Variants in BCAS3 observed in about 807,000 individuals in gnomAD.
The protein encoded by BCAS3 is BCAS4/BCAS3 fusion.
Under a neutral mutation model 116.1 loss-of-function variants are expected in BCAS3, and 53 were observed. That is an observed-to-expected ratio of 0.46 (90% CI 0.37 to 0.57). The LOEUF (loss-of-function observed/expected upper bound fraction) is 0.57. Ranked by LOEUF, BCAS3 falls within the 20% of genes least tolerant of loss-of-function variation. The pLI, the probability that BCAS3 is intolerant of heterozygous loss-of-function variation, is 0.00. For synonymous variants in BCAS3, 391 were observed against 408.2 expected (o/e 0.96, Z 0.51); for missense variants, 917 against 1,165.4 (o/e 0.79, Z 3.10).
rs2053513912 is a variant in BCAS3, at chr17:61,302,249, A to G, written c.2426-66078A>G. Among the ~76,000 whole-genome samples the G allele has an allele frequency of 6.6e-6, 1 of 152,096 alleles. No individual in the cohort carries two copies. The highest frequency in any genetic ancestry group is 1.5e-5 in the Non-Finnish European group (1 of 68,038). ...TTTCCTCATCTTGTCTCTTAATGTC[A>G]CATCAGAATGTACCACGGAATCTGA... On this transcript the variant is annotated intron_variant, in intron 22 of 23. Coordinates refer to ENST00000407086, the MANE Select transcript of BCAS3 (RefSeq NM_017679.5). The surrounding 1 kb of genome is among the most constrained non-coding windows in gnomAD (Gnocchi z 4.4).
At chr17:60,770,728 G>A (rs140449251) in intron 6 of BCAS3, among the ~76,000 whole-genome samples, 14 of 150,868 alleles carry the variant, frequency 9.3e-5, no homozygotes, top group African/African-American at 3.4e-4. Context: ...TCTCTTAGAC[G>A]GTCTATTTGA....
intron 5 of BCAS3, among the ~76,000 whole-genome samples, chr17:60,737,946 C>G (rs2041142489): frequency 6.6e-6 from 1 of 152,030 alleles, no homozygotes; most frequent in Admixed American, 6.6e-5. Context: ...GCCACCACAC[C>G]CGGCTACTTT....
In BCAS3 at chr17:61,126,576, C is replaced by A. The variant is rs1056707503; in HGVS notation, c.2425+42012C>A. 2.0e-5 allele frequency among the ~76,000 whole-genome samples: 3 copies of A among 152,116 alleles called. No individual in the cohort carries two copies. The highest frequency in any genetic ancestry group is 4.4e-5 in the Non-Finnish European group (3 of 68,010). The stretch of plus-strand genomic sequence containing the variant: ...TATATAGTCATTGGGTGAAAGATTG[C>A]AGAAGTTGAACCACTAGTTTTGAAA... On this transcript the variant is annotated intron_variant, in intron 22 of 23. Coordinates refer to ENST00000407086, the MANE Select transcript of BCAS3 (RefSeq NM_017679.5). The surrounding 1 kb of genome is among the most constrained non-coding windows in gnomAD (Gnocchi z 4.6).
In BCAS3 at chr17:61,376,130, G is replaced by A. The variant is rs1208343541; in HGVS notation, c.2593+7636G>A. Among the ~76,000 whole-genome samples, 1 of 152,124 alleles carries A rather than the reference G, an allele frequency of 6.6e-6. No individual in the cohort carries two copies. Among genetic ancestry groups the A allele is most frequent in the Non-Finnish European group, 1.5e-5 (1 of 68,042 alleles). Reference sequence around the variant, plus strand: ...ACTCATTGCAAGGCCATGGAAATAGGAACTGACAGTGTTGCCCCAGAAAGC... The same window carrying A: ...ACTCATTGCAAGGCCATGGAAATAGAAACTGACAGTGTTGCCCCAGAAAGC... On this transcript the variant is annotated intron_variant, in intron 23 of 23. Transcript: ENST00000407086. The surrounding 1 kb of genome is among the most constrained non-coding windows in gnomAD (Gnocchi z 4.5).
chr17:61,366,420 G>GCAGCAGAATCAGAAGCTTAGTGGATGT lies in BCAS3; in HGVS notation c.2426-1900_2426-1874dup, dbSNP rs2058737061. On this transcript the variant is annotated intron_variant, in intron 22 of 23. Transcript: ENST00000407086. This position sits in a 1 kb window ranked among gnomAD's most constrained non-coding sequence, Gnocchi z 4.5. Reference sequence around the variant, plus strand: ...TGGCTGTGCATCATGCAGTGAGTCGGCAGCAGAATCAGAAGCTTAGTGGAT... The same window carrying GCAGCAGAATCAGAAGCTTAGTGGATGT: ...TGGCTGTGCATCATGCAGTGAGTCGGCAGCAGAATCAGAAGCTTAGTGGATGTCAGCAGAATCAGAAGCTTAGTGGAT... Among the ~76,000 whole-genome samples, 2 of 152,234 alleles carry GCAGCAGAATCAGAAGCTTAGTGGATGT rather than the reference G, an allele frequency of 1.3e-5. No homozygotes were observed. The highest frequency in any genetic ancestry group is 2.9e-5 in the Non-Finnish European group (2 of 68,046).
Position 61,265,385 on chromosome 17 carries a change from CAA to C in BCAS3, c.2426-102941_2426-102940del, listed in dbSNP as rs2049595846. On this transcript the variant is annotated intron_variant, in intron 22 of 23. Coordinates refer to ENST00000407086, the MANE Select transcript of BCAS3 (RefSeq NM_017679.5). The surrounding 1 kb of genome is among the most constrained non-coding windows in gnomAD (Gnocchi z 4.3). ...CACCATTGCACTCCAGCCTGGGTAA[CAA>C]GAGTGAAACTCTGTCTCAAGAAAAA... is the stretch of plus-strand genomic sequence containing the variant. Among the ~76,000 whole-genome samples, 1 of 148,766 alleles carries C rather than the reference CAA, an allele frequency of 6.7e-6. No individual in the cohort carries two copies.
At chr17:60,743,247 A>T (rs2041745854) in intron 5 of BCAS3, among the ~76,000 whole-genome samples, 1 of 152,184 alleles carries the variant, frequency 6.6e-6, no homozygotes, top group Non-Finnish European at 1.5e-5. Context: ...AGCCATTCCC[A>T]AGGGTACATA....
chr17:61,374,999 G>A (rs1416774634), intron 23 of BCAS3, among the ~76,000 whole-genome samples: 2 of 152,152 alleles, frequency 1.3e-5, no homozygotes, highest in Non-Finnish European at 2.9e-5. Flanking sequence ...CTGCAGAAAA[G>A]GCTTTAAGAT....
intron 22 of BCAS3, among the ~76,000 whole-genome samples, chr17:61,295,734 C>T (rs1011939087): frequency 6.6e-6 from 1 of 150,934 alleles, no homozygotes. Context: ...GGGTGGATCA[C>T]GAGGTCAGGA....
chr17:61,111,612 G>A (rs1366598047), intron 22 of BCAS3, among the ~76,000 whole-genome samples: 3 of 149,606 alleles, frequency 2.0e-5, no homozygotes, highest in Non-Finnish European at 4.5e-5. Context: ...ACGTCTGATC[G>A]GTGTACCTGA....
At chr17:60,989,858 G>T in intron 14 of BCAS3, 113 bp from the exon 15 acceptor site, 6 of 1,144,528 alleles carry the variant, frequency 5.2e-6, no homozygotes, top group Non-Finnish European at 7.5e-6. Flanking sequence ...CTGATCTTAG[G>T]TACATTTGGT....
chr17:61,368,785 C>T lies in BCAS3; in HGVS notation c.2593+291C>T, dbSNP rs1003159852. Among the ~76,000 whole-genome samples, 2 of 152,172 alleles carry T rather than the reference C, an allele frequency of 1.3e-5. No individual in the cohort carries two copies. The highest frequency in any genetic ancestry group is 4.8e-5 in the African/African-American group (2 of 41,442). ...ACACTTTCCTCCTTTGGGGGTGTCC[C>T]CACGTCTTCCAGCAGCGCTCAGGCA... On this transcript the variant is annotated intron_variant, in intron 23 of 23. Coordinates refer to ENST00000407086, the MANE Select transcript of BCAS3 (RefSeq NM_017679.5). This position sits in a 1 kb window ranked among gnomAD's most constrained non-coding sequence, Gnocchi z 6.0.
At position 61,251,098 on chromosome 17, in the gene BCAS3, C is replaced by T. The variant is rs2048336302; in HGVS notation, c.2426-117229C>T. 6.6e-6 allele frequency among the ~76,000 whole-genome samples: 1 copy of T among 152,212 alleles called. No individual in the cohort carries two copies. Among genetic ancestry groups the T allele is most frequent in the South Asian group, 2.1e-4 (1 of 4,826 alleles). The stretch of plus-strand genomic sequence containing the variant: ...TTCATTCAGAAAGGTCATTTCATTT[C>T]CTGTGAGCCAGTCTTACATCACTGG... On this transcript the variant is annotated intron_variant, in intron 22 of 23. Transcript: ENST00000407086. This position sits in a 1 kb window ranked among gnomAD's most constrained non-coding sequence, Gnocchi z 4.7.
intron 5 of BCAS3, among the ~76,000 whole-genome samples, chr17:60,734,914 A>G (rs1215114565): frequency 6.6e-6 from 1 of 152,196 alleles, no homozygotes; most frequent in Admixed American, 6.5e-5. Context: ...TTAAGTTGGA[A>G]AGAACTGACA....
intron 6 of BCAS3, among the ~76,000 whole-genome samples, chr17:60,768,012 C>G (rs919683189): frequency 1.3e-5 from 2 of 152,174 alleles, no homozygotes; most frequent in African/African-American, 4.8e-5. Flanking sequence ...GTTGCCCAGC[C>G]TGGTCTCAAA....
At chr17:60,973,782 G>T (rs2062123983) in intron 14 of BCAS3, among the ~76,000 whole-genome samples, 1 of 151,840 alleles carries the variant, frequency 6.6e-6, no homozygotes, top group South Asian at 2.1e-4. Context: ...GGTAGATACA[G>T]GGTCTCACCA....
At chr17:61,173,743 A>G (rs561608250) in intron 22 of BCAS3, among the ~76,000 whole-genome samples, 28 of 152,152 alleles carry the variant, frequency 1.8e-4, no homozygotes, top group African/African-American at 6.5e-4. Context: ...TTAGTTGGGC[A>G]TGGTGGTGCA....
intron 7 of BCAS3, among the ~76,000 whole-genome samples, chr17:60,862,585 C>A (rs974873587): frequency 6.6e-6 from 1 of 152,118 alleles, no homozygotes; most frequent in Non-Finnish European, 1.5e-5. Flanking sequence ...CCTATGTTTT[C>A]TAGTTTCTGT....
At chr17:61,321,833 G>A (rs1004544505) in intron 22 of BCAS3, among the ~76,000 whole-genome samples, 2 of 152,134 alleles carry the variant, frequency 1.3e-5, no homozygotes, top group Non-Finnish European at 2.9e-5. Flanking sequence ...AATCCTTGTA[G>A]TCTGTTTGAA....
Sources: gnomAD v4.1 joint callset for allele counts (sites outside exome capture counted in the v4.1 genomes callset) on GRCh38, gnomAD v4.1.1 for gene constraint, Gnocchi (gnomAD v3.1) non-coding constraint, MANE v1.5 for transcripts, NCBI Gene and HGNC (gene_info 2026-07-23, HGNC 2026-07-21) for gene names.